COL8A2: variants seen among roughly 807,000 people sequenced by gnomAD.
COL8A2 encodes collagen type VIII alpha 2 chain.
COL8A2 carries 16 observed loss-of-function variants against 24.0 expected under a neutral mutation model. The observed-to-expected ratio is 0.67, with a 90% CI of 0.45 to 1.01. COL8A2 has a LOEUF of 1.01. Among genes scored for constraint, COL8A2 ranks in the 50% least tolerant of loss-of-function variants. COL8A2 has a pLI of 0.00. For missense variants in COL8A2, 818 were observed against 942.4 expected (o/e 0.87, Z 1.73); for synonymous variants, 466 against 424.5 (o/e 1.10, Z -1.20).
At chr1:36,121,715 A>AT (rs975333387) in intron 1 of COL8A2, among the ~76,000 whole-genome samples, 19 of 46,996 alleles carry the variant, frequency 4.0e-4, no homozygotes, top group Admixed American at 3.3e-3. Flanking sequence ...CTCAAAAAAA[A>AT]TTAAAAAAAA....
intron 2 of COL8A2, among the ~76,000 whole-genome samples, chr1:36,110,230 C>A (rs1341055866): frequency 6.6e-6 from 1 of 150,966 alleles, no homozygotes; most frequent in African/African-American, 2.4e-5. Context: ...CCGCGCCAGG[C>A]CTATTCCTTT....
At chr1:36,116,092 G>T (rs1403893293) in intron 1 of COL8A2, among the ~76,000 whole-genome samples, 1 of 150,594 alleles carries the variant, frequency 6.6e-6, no homozygotes, top group East Asian at 1.9e-4. Context: ...GTGAGACGAT[G>T]ACATCAGGAG....
chr1:36,112,540 C>G (rs1244473800), intron 2 of COL8A2, among the ~76,000 whole-genome samples: 1 of 152,130 alleles, frequency 6.6e-6, no homozygotes, highest in African/African-American at 2.4e-5. Context: ...CTGTTCCTTC[C>G]CCTGCTTTCC....
chr1:36,098,740 C>G lies in COL8A2; in HGVS notation c.941G>C (p.Gly314Ala), dbSNP rs1447917865. The part of the protein sequence containing the change: ...RGPPGLIGPT[G>A]YGMPGLPGPK... ...GCCTGGCAGTCCTGGCATCCCATAG[C>G]CAGTGGGGCCTATCAGCCCAGGGGG... is the stretch of plus-strand genomic sequence containing the variant. Residue 314 changes from glycine to alanine, a missense_variant, in exon 4 of 4, where the codon GGC becomes GCC. By Grantham distance (60) the Gly-to-Ala change is moderately conservative. Coordinates refer to ENST00000397799, the MANE Select transcript of COL8A2 (RefSeq NM_005202.4). 27 of 1,611,524 alleles carry G rather than the reference C, an allele frequency of 1.7e-5. No homozygotes were observed. Among genetic ancestry groups the G allele is most frequent in the Non-Finnish European group, 2.2e-5 (26 of 1,179,546 alleles).
intron 1 of COL8A2, among the ~76,000 whole-genome samples, chr1:36,124,389 G>C (rs1346560077): frequency 6.6e-6 from 1 of 152,164 alleles, no homozygotes; most frequent in Non-Finnish European, 1.5e-5. Flanking sequence ...CTGGGAGGTT[G>C]TTCTGGGGCC....
At chr1:36,101,277 C>T (rs1320299109) in intron 2 of COL8A2, among the ~76,000 whole-genome samples, 1 of 152,202 alleles carries the variant, frequency 6.6e-6, no homozygotes, top group Non-Finnish European at 1.5e-5. Flanking sequence ...CCTCACCTCC[C>T]CACACCTCCA....
intron 1 of COL8A2, among the ~76,000 whole-genome samples, chr1:36,119,651 C>A (rs1181598805): frequency 6.6e-6 from 1 of 152,170 alleles, no homozygotes; most frequent in Non-Finnish European, 1.5e-5. Context: ...TGTCAGGGAG[C>A]GTGGCCTGGA....
intron 2 of COL8A2, among the ~76,000 whole-genome samples, chr1:36,109,723 C>A (rs1479952815): frequency 6.6e-6 from 1 of 151,990 alleles, no homozygotes; most frequent in Admixed American, 6.6e-5. Context: ...GCACACACCA[C>A]CACGCCCAGC....
chr1:36,099,903 G>A, intron 3 of COL8A2, 147 bp downstream of exon 3: 1 of 750,880 alleles, frequency 1.3e-6, no homozygotes, highest in South Asian at 1.6e-5. Flanking sequence ...AGGCCCTCTG[G>A]GGTATTAGGA....
Position 36,098,078 on chromosome 1 carries a change from C to A in COL8A2, c.1603G>T (p.Ala535Ser). The A allele has an allele frequency of 1.9e-6, 3 of 1,557,866 alleles. No individual in the cohort carries two copies. The highest frequency in any genetic ancestry group is 1.4e-5 in the African/African-American group (1 of 73,826). ...GPPGPPGAPGAFDETGIAGLH... is the reference protein window; with the variant it reads ...GPPGPPGAPGSFDETGIAGLH... ...CCTGCGATGCCAGTCTCATCGAAGG[C>A]CCCAGGGGCACCAGGGGGTCCCGGG... The change falls in exon 4 of 4, where the codon GCC (alanine) becomes TCC (serine). Residue 535 changes from alanine to serine, a missense_variant. Around this residue, in one of 3 missense-constraint regions of COL8A2, gnomAD observed 235 missense variants for 297.3 expected, o/e 0.79. Transcript: ENST00000397799.
chr1:36,120,227 G>A (rs1230135260), intron 1 of COL8A2, among the ~76,000 whole-genome samples: 1 of 152,172 alleles, frequency 6.6e-6, no homozygotes, highest in Non-Finnish European at 1.5e-5. Flanking sequence ...GCTCAGGCGG[G>A]CGGATCACTT....
rs1240492706 is a variant in COL8A2 at position 36,097,929 on chromosome 1, G to T, written c.1752C>A (p.Pro584=). 2 of 1,611,168 alleles carry T rather than the reference G, an allele frequency of 1.2e-6. No homozygotes were observed. The highest frequency in any genetic ancestry group is 1.7e-6 in the Non-Finnish European group (2 of 1,179,768). ...TPAFTAVLTS[P]FPASGMPVKF... ...TCACGGGCATGCCCGAGGCGGGGAAGGGCGAGGTGAGCACCGCAGTGAAGG... is the reference window on the plus strand; with the variant it reads ...TCACGGGCATGCCCGAGGCGGGGAATGGCGAGGTGAGCACCGCAGTGAAGG... Residue 584 remains proline (P), a synonymous_variant, in exon 4 of 4, where the codon CCC becomes CCA. Transcript: ENST00000397799.
intron 2 of COL8A2, among the ~76,000 whole-genome samples, chr1:36,114,297 C>T (rs1030510508): frequency 7.7e-5 from 10 of 130,186 alleles, no homozygotes; most frequent in South Asian, 2.5e-4. Context: ...CTAACCTGGG[C>T]GACAGAGCGA....
intron 2 of COL8A2, among the ~76,000 whole-genome samples, chr1:36,101,528 G>C (rs1382750188): frequency 6.6e-6 from 1 of 152,154 alleles, no homozygotes; most frequent in East Asian, 1.9e-4. Flanking sequence ...ACAGGCTCTG[G>C]AACCAGCCAG....
intron 2 of COL8A2, among the ~76,000 whole-genome samples, chr1:36,102,777 T>G (rs1643698475): frequency 7.0e-6 from 1 of 142,986 alleles, no homozygotes; most frequent in African/African-American, 2.6e-5. Context: ...GTTCAAGAGA[T>G]TCTCCTGCCT....
intron 2 of COL8A2, among the ~76,000 whole-genome samples, chr1:36,108,553 T>C (rs1643793967): frequency 6.6e-6 from 1 of 152,216 alleles, no homozygotes; most frequent in Non-Finnish European, 1.5e-5. Context: ...TTTGGACAGC[T>C]GCAAGTCCTT....
intron 1 of COL8A2, among the ~76,000 whole-genome samples, chr1:36,119,650 G>A (rs981388710): frequency 6.6e-6 from 1 of 152,208 alleles, no homozygotes; most frequent in African/African-American, 2.4e-5. Context: ...CTGTCAGGGA[G>A]CGTGGCCTGG....
intron 2 of COL8A2, among the ~76,000 whole-genome samples, chr1:36,100,777 A>G (rs1490227054): frequency 6.7e-6 from 1 of 149,268 alleles, no homozygotes; most frequent in African/African-American, 2.5e-5. Flanking sequence ...GAAGCCAGAG[A>G]TGGGATTTGT....
At chr1:36,103,889 CTGT>C (rs1219223516) in intron 2 of COL8A2, among the ~76,000 whole-genome samples, 3 of 151,848 alleles carry the variant, frequency 2.0e-5, no homozygotes, top group Admixed American at 6.6e-5. Context: ...CAGCCCCCAC[CTGT>C]TATTTTTTTA....
Sources: gnomAD v4.1 joint callset for allele counts (sites outside exome capture counted in the v4.1 genomes callset) on GRCh38, gnomAD v4.1.1 for gene constraint, gnomAD v4.1.1 regional missense constraint, MANE v1.5 for transcripts, NCBI Gene and HGNC (gene_info 2026-07-23, HGNC 2026-07-21) for gene names.